The following MIPEP variants were observed in gnomAD, a reference collection of about 807,000 sequenced individuals.
The protein encoded by MIPEP is mitochondrial intermediate peptidase.
Under a neutral mutation model 90.3 loss-of-function variants are expected in MIPEP, and 79 were observed. The ratio of observed to expected loss-of-function variants is 0.87; its 90% confidence interval spans 0.73 to 1.05. MIPEP has a LOEUF of 1.05. MIPEP is among the 50% of genes least tolerant of loss of function. MIPEP has a pLI of 0.00. For synonymous variants in MIPEP, 334 were observed against 315.8 expected (o/e 1.06, Z -0.61); for missense variants, 940 against 905.6 (o/e 1.04, Z -0.49).
chr13:23,774,758 A>T (rs1384978092), intron 16 of MIPEP, among the ~76,000 whole-genome samples: 1 of 149,722 alleles, frequency 6.7e-6, no homozygotes, highest in Non-Finnish European at 1.5e-5. Flanking sequence ...CATACCATGC[A>T]ACCCTGCTGA....
At chr13:23,774,765 C>A (rs912370523) in intron 16 of MIPEP, among the ~76,000 whole-genome samples, 2 of 147,914 alleles carry the variant, frequency 1.4e-5, no homozygotes, top group African/African-American at 5.0e-5. Context: ...TGCAACCCTG[C>A]TGAACTGGTT....
intron 16 of MIPEP, among the ~76,000 whole-genome samples, chr13:23,802,031 C>T (rs1372814890): frequency 6.6e-6 from 1 of 152,074 alleles, no homozygotes; most frequent in East Asian, 1.9e-4. Flanking sequence ...TTTCACAGAT[C>T]TGTTCTGCAA....
Position 23,883,741 on chromosome 13 carries a change from C to T in MIPEP, c.364-1954G>A, listed in dbSNP as rs9553085. Among the ~76,000 whole-genome samples the T allele has an allele frequency of 3.1e-3, 470 of 152,286 alleles. 7 individuals are homozygous for T. The East Asian group carries it at 0.036, about 12-fold the overall frequency. ...CAGATCCCCCAATCTGGAGGGTTGA[C>T]GATACAGTGAAATTCACTGACACAG... On this transcript the variant is annotated intron_variant, in intron 2 of 18. Coordinates refer to ENST00000382172, the MANE Select transcript of MIPEP (RefSeq NM_005932.4).
chr13:23,889,310 A>C lies in MIPEP; in HGVS notation c.11T>G (p.Val4Gly). ...GGCTCCCAAGCCGCCCAGCCTTCCGACGCACAGCATTCTAGCACCAGAGCA... is the reference window on the plus strand; with the variant it reads ...GGCTCCCAAGCCGCCCAGCCTTCCGCCGCACAGCATTCTAGCACCAGAGCA... Reference protein sequence around the residue: MLCVGRLGGLGARA... With the variant: MLCGGRLGGLGARA... The change falls in exon 1 of 19, where the codon GTC becomes GGC. Residue 4 changes from valine to glycine, a missense_variant. Coordinates refer to ENST00000382172, the MANE Select transcript of MIPEP (RefSeq NM_005932.4). 1 of 1,347,512 alleles carries C rather than the reference A, an allele frequency of 7.4e-7. No individual in the cohort carries two copies. Among genetic ancestry groups the C allele is most frequent in the Non-Finnish European group, 9.5e-7 (1 of 1,047,768 alleles). The allele number at this position is 1,347,512 out of a possible 1,614,324, so 83.5% of individuals were successfully genotyped here.
At chr13:23,731,730 C>T (rs1054566487) in intron 18 of MIPEP, among the ~76,000 whole-genome samples, 3 of 152,192 alleles carry the variant, frequency 2.0e-5, no homozygotes, top group Admixed American at 6.5e-5. Context: ...ACATATCTCA[C>T]GTAAGACTGG....
At chr13:23,764,269 C>T (rs74518925) in intron 16 of MIPEP, among the ~76,000 whole-genome samples, 3,821 of 152,232 alleles carry the variant, frequency 0.025, 71 homozygotes, top group Middle Eastern at 0.058. Flanking sequence ...TGATCCCATA[C>T]GAAAGACAAA....
At chr13:23,881,055 T>C (rs2137535712) in intron 3 of MIPEP, among the ~76,000 whole-genome samples, 1 of 152,354 alleles carries the variant, frequency 6.6e-6, no homozygotes, top group South Asian at 2.1e-4. Flanking sequence ...ATGGAGCTCT[T>C]ATAAGTGGCT....
chr13:23,811,535 A>G (rs1032191229), intron 14 of MIPEP, among the ~76,000 whole-genome samples: 1 of 152,184 alleles, frequency 6.6e-6, no homozygotes, highest in Non-Finnish European at 1.5e-5. Context: ...GGACTTTGCT[A>G]AACAATAGAT....
At chr13:23,731,417 T>C (rs950206386) in intron 18 of MIPEP, among the ~76,000 whole-genome samples, 1 of 151,986 alleles carries the variant, frequency 6.6e-6, no homozygotes, top group East Asian at 1.9e-4. Flanking sequence ...AGAGTGAGAG[T>C]AGTCGGCTGG....
rs888868486 is a variant in MIPEP at position 23,751,222 on chromosome 13, C to CA, written c.2044+5322dup. Reference sequence around the variant, plus strand: ...ATAATTCTCTGGTTTGTTTCTTAAACAAAAAAAATTTAATAAGCTAGAAGA... The same window carrying CA: ...ATAATTCTCTGGTTTGTTTCTTAAACAAAAAAAAATTTAATAAGCTAGAAGA... On this transcript the variant is annotated intron_variant, in intron 18 of 18. Transcript: ENST00000382172. 2.0e-3 allele frequency among the ~76,000 whole-genome samples: 300 copies of CA among 151,934 alleles called. 1 individual carries two copies. Among genetic ancestry groups the CA allele is most frequent in the African/African-American group, 6.8e-3 (281 of 41,460 alleles).
At chr13:23,852,970 T>G (rs1318175934) in intron 10 of MIPEP, among the ~76,000 whole-genome samples, 2 of 152,122 alleles carry the variant, frequency 1.3e-5, no homozygotes. Flanking sequence ...AAAAAATTTT[T>G]AATAGAAAAA....
At chr13:23,839,237 T>G (rs766812774) in intron 12 of MIPEP, among the ~76,000 whole-genome samples, 4 of 152,170 alleles carry the variant, frequency 2.6e-5, no homozygotes, top group Non-Finnish European at 5.9e-5. Context: ...CTGCTCAGGA[T>G]GTATGCCTTC....
chr13:23,864,671 G>A lies in MIPEP; in HGVS notation c.944-482C>T, dbSNP rs950184172. Among the ~76,000 whole-genome samples the A allele has an allele frequency of 2.2e-5, 3 of 137,368 alleles. No individual in the cohort carries two copies. In the Admixed American group the frequency reaches 2.6e-4, roughly 12 times the overall value. The allele number at this position is 137,368 out of a possible 152,430, so 90.1% of individuals were successfully genotyped here. ...GAATAGCTTGAACCCAGGAGGTAGA[G>A]ACTATAGTGAGCCCAGACTGTGCCA... On this transcript the variant is annotated intron_variant, in intron 7 of 18. Transcript: ENST00000382172.
At chr13:23,776,120 A>G (rs1215380320) in intron 16 of MIPEP, among the ~76,000 whole-genome samples, 1 of 151,964 alleles carries the variant, frequency 6.6e-6, no homozygotes, top group East Asian at 1.9e-4. Context: ...TGAAACCTTA[A>G]CTTTTTGCCT....
intron 14 of MIPEP, among the ~76,000 whole-genome samples, chr13:23,817,864 AAC>A (rs1485248492): frequency 6.6e-6 from 1 of 152,226 alleles, no homozygotes; most frequent in African/African-American, 2.4e-5. Context: ...TTACTGAATG[AAC>A]ACTTAATAAC....
At chr13:23,813,642 G>A (rs916195655) in intron 14 of MIPEP, among the ~76,000 whole-genome samples, 2 of 152,054 alleles carry the variant, frequency 1.3e-5, no homozygotes, top group Non-Finnish European at 2.9e-5. Context: ...TATTGCCCAG[G>A]CTGGAGTGCA....
At chr13:23,866,506 C>A in intron 7 of MIPEP, among the ~76,000 whole-genome samples, 1 of 152,180 alleles carries the variant, frequency 6.6e-6, no homozygotes, top group Non-Finnish European at 1.5e-5. Flanking sequence ...ATGCCCAGCC[C>A]TCCTCACATC....
intron 14 of MIPEP, among the ~76,000 whole-genome samples, chr13:23,818,723 T>A (rs1953271493): frequency 6.6e-6 from 1 of 152,234 alleles, no homozygotes; most frequent in Non-Finnish European, 1.5e-5. Flanking sequence ...AAGGGTAGGT[T>A]ACAGGCTGTT....
chr13:23,849,308 C>T (rs9510894), intron 10 of MIPEP, among the ~76,000 whole-genome samples: 29,225 of 152,244 alleles, frequency 0.19, 3,284 homozygotes, highest in Non-Finnish European at 0.25. Context: ...AGAGCCACAA[C>T]CAGCAGAGAC....
Sources: gnomAD v4.1 joint callset for allele counts (sites outside exome capture counted in the v4.1 genomes callset) on GRCh38, gnomAD v4.1.1 for gene constraint, MANE v1.5 for transcripts, NCBI Gene and HGNC (gene_info 2026-07-23, HGNC 2026-07-21) for gene names.